GRID2: variants seen among roughly 807,000 people sequenced by gnomAD.
GRID2 encodes glutamate receptor ionotropic, delta-2.
Under a neutral mutation model 114.8 loss-of-function variants are expected in GRID2, and 33 were observed. That is an observed-to-expected ratio of 0.29 (90% CI 0.22 to 0.38). GRID2 has a LOEUF of 0.38. GRID2 is among the 10% of genes least tolerant of loss of function. GRID2 has a pLI of 1.00. For missense variants in GRID2, 1,184 were observed against 1,257.7 expected, an observed-to-expected ratio of 0.94 and a Z score of 0.89; for synonymous variants, 505 against 449.9, an observed-to-expected ratio of 1.12 and a Z score of -1.55.
At chr4:92,378,663 T>C (rs1729469740) in intron 1 of GRID2, among the ~76,000 whole-genome samples, 1 of 152,056 alleles carries the variant, frequency 6.6e-6, no homozygotes, top group Non-Finnish European at 1.5e-5. Context: ...ATCTTAGATA[T>C]TTTATTCTTT....
At chr4:92,740,181 C>T (rs1422185148) in intron 2 of GRID2, among the ~76,000 whole-genome samples, 1 of 152,114 alleles carries the variant, frequency 6.6e-6, no homozygotes, top group Non-Finnish European at 1.5e-5. Context: ...CTAGTAAGGC[C>T]AGCTCAAGTA....
chr4:93,116,675 G>C (rs1733292493), intron 4 of GRID2, among the ~76,000 whole-genome samples: 1 of 151,846 alleles, frequency 6.6e-6, no homozygotes, highest in Non-Finnish European at 1.5e-5. Flanking sequence ...ACAAATTCCT[G>C]GTTCCTGTGT....
intron 1 of GRID2, among the ~76,000 whole-genome samples, chr4:92,534,152 G>T (rs1257787749): frequency 1.3e-5 from 2 of 151,948 alleles, no homozygotes; most frequent in Non-Finnish European, 2.9e-5. Context: ...GGGAGCAAAG[G>T]TATATATTAA....
chr4:92,503,208 T>C (rs928555536), intron 1 of GRID2, among the ~76,000 whole-genome samples: 4 of 152,138 alleles, frequency 2.6e-5, no homozygotes, highest in African/African-American at 9.6e-5. Context: ...ATTCTCATTA[T>C]AGTTAGCAAA....
intron 2 of GRID2, among the ~76,000 whole-genome samples, chr4:92,652,352 C>A (rs1731983715): frequency 6.6e-6 from 1 of 151,884 alleles, no homozygotes; most frequent in African/African-American, 2.4e-5. Flanking sequence ...CAAGTTGACA[C>A]ATAAAATTAA....
At chr4:93,022,382 A>T (rs527702258) in intron 2 of GRID2, among the ~76,000 whole-genome samples, 2 of 152,002 alleles carry the variant, frequency 1.3e-5, no homozygotes, top group East Asian at 3.9e-4. Context: ...ATGCATTCTA[A>T]TTCGTTGTGT....
chr4:92,867,168 T>A (rs1384881113), intron 2 of GRID2, among the ~76,000 whole-genome samples: 2 of 152,186 alleles, frequency 1.3e-5, no homozygotes, highest in African/African-American at 4.8e-5. Flanking sequence ...GGTTGTTAAA[T>A]TTTTTATTAA....
At chr4:92,686,303 T>C (rs1474136610) in intron 2 of GRID2, among the ~76,000 whole-genome samples, 2 of 152,078 alleles carry the variant, frequency 1.3e-5, no homozygotes, top group African/African-American at 4.8e-5. Context: ...ATATCTTAAT[T>C]GGTAATGACA....
intron 2 of GRID2, among the ~76,000 whole-genome samples, chr4:92,933,599 G>A (rs960670538): frequency 6.6e-6 from 1 of 151,370 alleles, no homozygotes; most frequent in Non-Finnish European, 1.5e-5. Context: ...GAGGCTGAAT[G>A]ACTGCAATTT....
intron 14 of GRID2, among the ~76,000 whole-genome samples, chr4:93,726,491 C>T (rs1729909703): frequency 6.6e-6 from 1 of 152,066 alleles, no homozygotes; most frequent in African/African-American, 2.4e-5. Flanking sequence ...TCCATGTGAA[C>T]CTTAAAGTAG....
At chr4:93,071,743 G>C (rs1043125934) in intron 2 of GRID2, among the ~76,000 whole-genome samples, 3 of 152,122 alleles carry the variant, frequency 2.0e-5, no homozygotes, top group Admixed American at 6.6e-5. Flanking sequence ...TCATGGCCAG[G>C]CAGAAGCTTA....
At chr4:92,667,897 A>G (rs1732868979) in intron 2 of GRID2, among the ~76,000 whole-genome samples, 1 of 151,840 alleles carries the variant, frequency 6.6e-6, no homozygotes, top group Non-Finnish European at 1.5e-5. Flanking sequence ...CAGTTCCTGC[A>G]CTTCAAGAAT....
intron 1 of GRID2, among the ~76,000 whole-genome samples, chr4:92,439,591 T>C (rs955457925): frequency 1.4e-5 from 2 of 146,504 alleles, no homozygotes; most frequent in Admixed American, 6.8e-5. Context: ...GGTCTTGTGG[T>C]AAGGGGTGAT....
At chr4:92,803,632 AT>A (rs1740276491) in intron 2 of GRID2, among the ~76,000 whole-genome samples, 1 of 151,890 alleles carries the variant, frequency 6.6e-6, no homozygotes, top group Non-Finnish European at 1.5e-5. Flanking sequence ...CAGTGAAAAG[AT>A]TTTCAGAGCA....
intron 1 of GRID2, among the ~76,000 whole-genome samples, chr4:92,533,845 A>ATAATT (rs1267390149): frequency 6.6e-6 from 1 of 152,116 alleles, no homozygotes; most frequent in Non-Finnish European, 1.5e-5. Context: ...AGCAGACTTA[A>ATAATT]TAATTTATCA....
chr4:92,647,403 A>G (rs879814986), intron 2 of GRID2, among the ~76,000 whole-genome samples: 1 of 50,882 alleles, frequency 2.0e-5, no homozygotes, highest in Non-Finnish European at 4.5e-5. Flanking sequence ...TGTGAAGTTC[A>G]GTCTAATTAG....
chr4:92,554,492 A>T (rs1726756026), intron 1 of GRID2, among the ~76,000 whole-genome samples: 2 of 152,190 alleles, frequency 1.3e-5, no homozygotes, highest in African/African-American at 4.8e-5. Flanking sequence ...CATTTCAGAA[A>T]GTTTATGTCA....
intron 2 of GRID2, among the ~76,000 whole-genome samples, chr4:92,820,747 G>A (rs921120189): frequency 1.3e-5 from 2 of 152,056 alleles, no homozygotes; most frequent in African/African-American, 4.8e-5. Context: ...CAACAGTGAT[G>A]TATATACAAG....
chr4:93,381,677 C>T (rs1763868370), intron 8 of GRID2, among the ~76,000 whole-genome samples: 1 of 152,052 alleles, frequency 6.6e-6, no homozygotes, highest in Non-Finnish European at 1.5e-5. Context: ...TTTACATTTC[C>T]ATACCCACTT....
Sources: allele counts gnomAD v4.1 joint callset (sites outside exome capture counted in the v4.1 genomes callset), GRCh38; gene constraint gnomAD v4.1.1; transcripts MANE v1.5; gene names NCBI Gene and HGNC (gene_info 2026-07-23, HGNC 2026-07-21).